Variants in SHC3 observed in about 807,000 individuals in gnomAD.
SHC3 encodes SHC adaptor protein 3.
Under a neutral mutation model 60.4 loss-of-function variants are expected in SHC3, and 15 were observed. The ratio of observed to expected loss-of-function variants is 0.25; its 90% CI spans 0.17 to 0.38. The LOEUF (loss-of-function observed/expected upper bound fraction) is 0.38, where lower values mean the gene tolerates loss of function less well. SHC3 is among the 10% of genes least tolerant of loss of function. The probability of loss-of-function intolerance (pLI) is 1.00; values close to 1 mark genes in which losing one functional copy is unlikely to be tolerated. For missense variants in SHC3, 677 were observed against 786.1 expected (o/e 0.86, Z 1.66); for synonymous variants, 294 against 325.9 (o/e 0.90, Z 1.05).
At chr9:89,115,863 A>G (rs1425852890) in intron 1 of SHC3, among the ~76,000 whole-genome samples, 4 of 152,192 alleles carry the variant, frequency 2.6e-5, no homozygotes, top group African/African-American at 9.6e-5. Context: ...CCACTCTTGC[A>G]CTTAGAGTAA....
At chr9:89,127,835 T>C (rs539883273) in intron 1 of SHC3, among the ~76,000 whole-genome samples, 18 of 151,772 alleles carry the variant, frequency 1.2e-4, no homozygotes, top group Non-Finnish European at 2.7e-4. Context: ...GATTCCCTCT[T>C]TTTGGGGGTA....
rs527875351 is a variant in SHC3 at position 89,022,299 on chromosome 9, G to A, written c.1657-8724C>T. ...AGGAAGGGAGGGTTGGGGGAGGGGGGAAATTCCTACAGTGGGGAAAGCTCA... is the reference window on the plus strand; with the variant it reads ...AGGAAGGGAGGGTTGGGGGAGGGGGAAAATTCCTACAGTGGGGAAAGCTCA... On this transcript the variant is annotated intron_variant, in intron 11 of 11. Transcript: ENST00000375835. Among the ~76,000 whole-genome samples the A allele has an allele frequency of 3.9e-5, 6 of 152,142 alleles. No homozygotes were observed. The East Asian group carries it at 1.2e-3, about 29-fold the overall frequency.
intron 4 of SHC3, among the ~76,000 whole-genome samples, chr9:89,074,174 C>T (rs1050136839): frequency 6.6e-6 from 1 of 152,086 alleles, no homozygotes; most frequent in Non-Finnish European, 1.5e-5. Flanking sequence ...TGCTCACTAA[C>T]CTGGGGAATA....
In SHC3 at chr9:89,009,077, G is replaced by C. The variant is rs571669639; in HGVS notation, c.*4370C>G. 3 of 152,324 alleles carry C rather than the reference G, an allele frequency of 2.0e-5. No individual in the cohort carries two copies. The highest frequency in any genetic ancestry group is 7.2e-5 in the African/African-American group (3 of 41,560). 9.4% of individuals were successfully genotyped at this position (152,324 alleles called of 1,614,324 possible). On this transcript the variant is annotated 3_prime_UTR_variant, in exon 12 of 12. Transcript: ENST00000375835. ...GCTTGCCATTTCCGTGGGGCAGGGGGCTAGCTTTACGTGCAGGCCCAGGAC... is the reference window on the plus strand; with the variant it reads ...GCTTGCCATTTCCGTGGGGCAGGGGCCTAGCTTTACGTGCAGGCCCAGGAC...
chr9:89,084,412 A>G (rs1825495044), intron 2 of SHC3, among the ~76,000 whole-genome samples: 1 of 152,268 alleles, frequency 6.6e-6, no homozygotes, highest in Non-Finnish European at 1.5e-5. Context: ...TTCCTAAACC[A>G]TGCTGAAAGA....
At chr9:89,065,976 T>C (rs1825172931) in intron 5 of SHC3, among the ~76,000 whole-genome samples, 1 of 152,210 alleles carries the variant, frequency 6.6e-6, no homozygotes, top group African/African-American at 2.4e-5. Context: ...CGTCCCAACA[T>C]GCAGATAATC....
intron 11 of SHC3, among the ~76,000 whole-genome samples, chr9:89,030,201 C>T (rs114129155): frequency 0.012 from 1,792 of 152,114 alleles, 37 homozygotes; most frequent in African/African-American, 0.039. Flanking sequence ...CACACATATG[C>T]GCTTAATAAC....
intron 1 of SHC3, among the ~76,000 whole-genome samples, chr9:89,175,075 C>CT (rs1826923702): frequency 1.3e-5 from 2 of 152,220 alleles, no homozygotes; most frequent in Admixed American, 6.5e-5. Flanking sequence ...ATATCAAATA[C>CT]TTTTAAAATG....
intron 11 of SHC3, among the ~76,000 whole-genome samples, chr9:89,023,542 G>T (rs1468927857): frequency 6.6e-6 from 1 of 152,190 alleles, no homozygotes; most frequent in Non-Finnish European, 1.5e-5. Context: ...ACAACCTCCA[G>T]AAAACTGCTT....
chr9:89,074,456 C>G (rs114575510), intron 4 of SHC3, among the ~76,000 whole-genome samples: 266 of 152,176 alleles, frequency 1.7e-3, no homozygotes, highest in Middle Eastern at 0.01. Context: ...ACTCAAACAC[C>G]TATTTTTCCA....
intron 2 of SHC3, among the ~76,000 whole-genome samples, chr9:89,111,657 C>T (rs1825948703): frequency 6.6e-6 from 1 of 151,688 alleles, no homozygotes; most frequent in Admixed American, 6.6e-5. Flanking sequence ...TATTATGGTA[C>T]CTATAACAGA....
intron 11 of SHC3, among the ~76,000 whole-genome samples, chr9:89,023,495 G>A (rs756461492): frequency 1.5e-4 from 23 of 152,308 alleles, no homozygotes; most frequent in Non-Finnish European, 3.1e-4. Context: ...ATCTGCCATT[G>A]AGGCCATAAC....
Position 89,082,748 on chromosome 9 carries a change from C to A in SHC3, c.546-4845G>T, listed in dbSNP as rs562843950. On this transcript the variant is annotated intron_variant, in intron 2 of 11. Transcript: ENST00000375835. ...CCTCCTATGCCCCACGGACCCCAGG[C>A]AAACTTTACCAGAGTCCCATTTTAA... 8.5e-5 allele frequency among the ~76,000 whole-genome samples: 13 copies of A among 152,330 alleles called. 1 individual carries two copies. The highest frequency in any genetic ancestry group is 2.9e-4 in the African/African-American group (12 of 41,574).
At chr9:89,035,376 AT>A (rs145767117) in intron 11 of SHC3, among the ~76,000 whole-genome samples, 2,687 of 152,274 alleles carry the variant, frequency 0.018, 30 homozygotes, top group South Asian at 0.029. Flanking sequence ...ATAAAGAAGA[AT>A]ATATATATGA....
Position 89,012,860 on chromosome 9 carries a change from T to C in SHC3, c.*587A>G, listed in dbSNP as rs111429851. 2 of 151,834 alleles carry C rather than the reference T, an allele frequency of 1.3e-5. No homozygotes were observed. Among genetic ancestry groups the C allele is most frequent in the African/African-American group, 2.4e-5 (1 of 41,270 alleles). 9.4% of individuals were successfully genotyped at this position (151,834 alleles called of 1,614,324 possible). The stretch of plus-strand genomic sequence containing the variant: ...GTGTAGACACCCCAGGCACGTGGAG[T>C]GCAGTGCAGGGAGCACAGGAGGTGT... On this transcript the variant is annotated 3_prime_UTR_variant, in exon 12 of 12. Coordinates refer to ENST00000375835, the MANE Select transcript of SHC3 (RefSeq NM_016848.6).
At position 89,136,325 on chromosome 9, in the gene SHC3, G is replaced by A. The variant is rs567363211; in HGVS notation, c.475-23699C>T. 5.9e-5 allele frequency among the ~76,000 whole-genome samples: 9 copies of A among 152,268 alleles called. No individual in the cohort carries two copies. The South Asian group carries it at 1.9e-3, about 32-fold the overall frequency. The stretch of plus-strand genomic sequence containing the variant: ...CTGGGCTGTATTCCCAGGAAGTTAA[G>A]GCATTCTAAGTCACAGGGTATGATA... On this transcript the variant is annotated intron_variant, in intron 1 of 11. Transcript: ENST00000375835.
chr9:89,038,895 C>T lies in SHC3; in HGVS notation c.1361-607G>A, dbSNP rs182592384. Among the ~76,000 whole-genome samples, 37 of 152,312 alleles carry T rather than the reference C, an allele frequency of 2.4e-4. No individual in the cohort carries two copies. The Middle Eastern group carries it at 0.014, about 56-fold the overall frequency. On this transcript the variant is annotated intron_variant, in intron 10 of 11. Transcript: ENST00000375835. Reference sequence around the variant, plus strand: ...AACCTTCACTTGTTTCCCTGTGGAACGAGGCTCTCACATGAGTGCCTGAGA... The same window carrying T: ...AACCTTCACTTGTTTCCCTGTGGAATGAGGCTCTCACATGAGTGCCTGAGA...
chr9:89,041,153 T>G (rs1169778756), intron 10 of SHC3, among the ~76,000 whole-genome samples: 4 of 152,252 alleles, frequency 2.6e-5, no homozygotes, highest in Non-Finnish European at 5.9e-5. Flanking sequence ...TCGAGGAATA[T>G]GAAAAGCAAA....
chr9:89,060,901 C>T (rs573799116), intron 6 of SHC3, among the ~76,000 whole-genome samples: 1 of 152,024 alleles, frequency 6.6e-6, no homozygotes, highest in Admixed American at 6.5e-5. Context: ...CTGGGGAAGT[C>T]GGGAAGGGGT....
Sources: gnomAD v4.1 joint callset for allele counts (sites outside exome capture counted in the v4.1 genomes callset) on GRCh38, gnomAD v4.1.1 for gene constraint, MANE v1.5 for transcripts, NCBI Gene and HGNC (gene_info 2026-07-23, HGNC 2026-07-21) for gene names.